CCNYL1: variants seen among roughly 807,000 people sequenced by gnomAD.
CCNYL1 encodes the protein cyclin Y like 1.
Under a neutral mutation model 44.2 loss-of-function variants are expected in CCNYL1, and 16 were observed. The observed-to-expected ratio is 0.36, with a 90% confidence interval of 0.25 to 0.55. The LOEUF (loss-of-function observed/expected upper bound fraction) is 0.55, where lower values mean the gene tolerates loss of function less well. Among genes scored for constraint, CCNYL1 ranks in the 20% least tolerant of loss-of-function variants. The probability of loss-of-function intolerance (pLI) is 0.85; values close to 1 mark genes in which losing one functional copy is unlikely to be tolerated. For synonymous variants in CCNYL1, 159 were observed against 163.2 expected (o/e 0.97, Z 0.20); for missense variants, 348 against 451.8 (o/e 0.77, Z 2.08).
At chr2:207,750,737 G>A (rs926379870) in intron 8 of CCNYL1, 3 of 451,326 alleles carry the variant, frequency 6.6e-6, no homozygotes, top group South Asian at 4.3e-5. Flanking sequence ...ATCGGAGGCC[G>A]TAACCTTCAA....
rs554914169 is a variant in CCNYL1 at position 207,735,842 on chromosome 2, C to T, written c.432-1569C>T. Among the ~76,000 whole-genome samples, 24 of 151,644 alleles carry T rather than the reference C, an allele frequency of 1.6e-4. 1 individual carries two copies. Among genetic ancestry groups the T allele is most frequent in the Admixed American group, 3.9e-4 (6 of 15,216 alleles). ...TTGTGCCATTTTACTCCAGCCTGGG[C>T]GACAGAGCAAGACTCTGTCTCAAAA... On this transcript the variant is annotated intron_variant, in intron 4 of 9. Transcript: ENST00000295414.
At chr2:207,722,310 T>A (rs2091646509) in intron 1 of CCNYL1, among the ~76,000 whole-genome samples, 2 of 152,008 alleles carry the variant, frequency 1.3e-5, no homozygotes, top group Admixed American at 6.6e-5. Context: ...CCTGACCTCA[T>A]GATCTGCCAG....
chr2:207,753,659 C>T lies in CCNYL1; in HGVS notation c.1041C>T (p.Asn347=), dbSNP rs2091911176. ...AAMRRSFSAD[N]FIGIQRSKAI... ...TGAGAAGGTCTTTCAGTGCTGATAA[C>T]TTCATTGGTATTCAGCGCTCTAAAG... Residue 347 remains asparagine, a synonymous_variant, in exon 10 of 10, where the codon AAC becomes AAT. Coordinates refer to ENST00000295414, the MANE Select transcript of CCNYL1 (RefSeq NM_001330218.2). 2 of 1,613,334 alleles carry T rather than the reference C, an allele frequency of 1.2e-6. No homozygotes were observed. The highest frequency in any genetic ancestry group is 1.7e-6 in the Non-Finnish European group (2 of 1,179,452).
chr2:207,740,754 G>A (rs767984196), intron 6 of CCNYL1, 48 bp downstream of exon 6: 2 of 1,157,254 alleles, frequency 1.7e-6, no homozygotes, highest in South Asian at 2.6e-5. Flanking sequence ...ATAGAGTTGT[G>A]TTTATTTCAT....
intron 1 of CCNYL1, among the ~76,000 whole-genome samples, chr2:207,713,071 C>T (rs966924422): frequency 6.6e-6 from 1 of 152,208 alleles, no homozygotes; most frequent in East Asian, 1.9e-4. Flanking sequence ...GCCTCGGCCT[C>T]CCAAAGTGCT....
intron 1 of CCNYL1, among the ~76,000 whole-genome samples, chr2:207,723,553 C>T (rs570487253): frequency 1.3e-5 from 2 of 152,078 alleles, no homozygotes; most frequent in South Asian, 4.2e-4. Flanking sequence ...CAGTTTCTTA[C>T]AAGATTGGTT....
At chr2:207,723,232 A>C (rs776893017) in intron 1 of CCNYL1, among the ~76,000 whole-genome samples, 1 of 152,230 alleles carries the variant, frequency 6.6e-6, no homozygotes, top group East Asian at 1.9e-4. Context: ...TGGCAGTACT[A>C]TTAAAATGGA....
At chr2:207,725,732 A>G (rs1489728551) in intron 2 of CCNYL1, among the ~76,000 whole-genome samples, 1 of 152,246 alleles carries the variant, frequency 6.6e-6, no homozygotes, top group Admixed American at 6.5e-5. Flanking sequence ...TAGCCTCAGC[A>G]AGTGAAACTT....
chr2:207,722,361 C>T lies in CCNYL1; in HGVS notation c.221-2439C>T, dbSNP rs374844307. Among the ~76,000 whole-genome samples the T allele has an allele frequency of 1.4e-4, 21 of 152,162 alleles. No homozygotes were observed. The South Asian group carries it at 2.5e-3, about 18-fold the overall frequency. ...GTATTGGGATTACAGGCATGAGCCA[C>T]CATGCCCAGCCGCCTTGGATATTTC... On this transcript the variant is annotated intron_variant, in intron 1 of 9. Transcript: ENST00000295414.
intron 7 of CCNYL1, among the ~76,000 whole-genome samples, chr2:207,743,824 GT>G (rs914753336): frequency 1.7e-4 from 26 of 151,706 alleles, no homozygotes; most frequent in African/African-American, 6.3e-4. Context: ...TTTTGTTTTT[GT>G]TTTTGTTTTG....
intron 9 of CCNYL1, among the ~76,000 whole-genome samples, 190 bp downstream of exon 9, chr2:207,751,309 A>G (rs1388978963): frequency 6.6e-6 from 1 of 152,264 alleles, no homozygotes; most frequent in Non-Finnish European, 1.5e-5. Flanking sequence ...AACATTATTT[A>G]AAAATTATAC....
At chr2:207,743,150 C>T (rs1016388007) in intron 7 of CCNYL1, among the ~76,000 whole-genome samples, 4 of 152,210 alleles carry the variant, frequency 2.6e-5, no homozygotes, top group Admixed American at 2.0e-4. Context: ...ATAGAAGCCC[C>T]TCAGTGGGTA....
intron 1 of CCNYL1, among the ~76,000 whole-genome samples, chr2:207,724,524 C>T (rs2091665194): frequency 1.3e-5 from 2 of 152,134 alleles, no homozygotes; most frequent in South Asian, 2.1e-4. Flanking sequence ...GGAGGACATG[C>T]GTATGATTCA....
rs571189225 is a variant in CCNYL1, at chr2:207,755,541, T to C, written c.*1843T>C. ...AAAGTAGTTACCCGCAGAGCTGTGCTCTATATGCTTTGATTACCGCAGTTT... is the reference window on the plus strand; with the variant it reads ...AAAGTAGTTACCCGCAGAGCTGTGCCCTATATGCTTTGATTACCGCAGTTT... On this transcript the variant is annotated 3_prime_UTR_variant, in exon 10 of 10. Transcript: ENST00000295414. 26 of 152,378 alleles carry C rather than the reference T, an allele frequency of 1.7e-4. No homozygotes were observed. Among genetic ancestry groups the C allele is most frequent in the African/African-American group, 6.0e-4 (25 of 41,596 alleles). 9.4% of individuals were successfully genotyped at this position (152,378 alleles called of 1,614,324 possible). A position where few individuals can be genotyped will look rare whatever the true frequency, so the allele number is the denominator to read the frequency against.
intron 3 of CCNYL1, among the ~76,000 whole-genome samples, chr2:207,731,726 C>G (rs1316536803): frequency 2.0e-5 from 3 of 151,494 alleles, no homozygotes; most frequent in Non-Finnish European, 4.4e-5. Flanking sequence ...TATAGTGATA[C>G]TCTTGATAAC....
rs758371445 is a variant in CCNYL1 at position 207,712,109 on chromosome 2, G to A, written c.213G>A (p.Met71Ile). The part of the protein sequence containing the change: ...HHLQHISDRE[M>I]PEDLALESNP... Reference sequence around the variant, plus strand: ...TGCAGCACATCAGCGACCGCGAGATGCCCGAAGGTAAGGAGGCGGCGGATG... The same window carrying A: ...TGCAGCACATCAGCGACCGCGAGATACCCGAAGGTAAGGAGGCGGCGGATG... The change falls in exon 1 of 10, where the codon ATG becomes ATA. Residue 71 changes from methionine (M) to isoleucine (I), a missense_variant. Around this residue, in one of 3 missense-constraint regions of CCNYL1, gnomAD observed 209 missense variants for 247.7 expected, o/e 0.84. Coordinates refer to ENST00000295414, the MANE Select transcript of CCNYL1 (RefSeq NM_001330218.2). The A allele has an allele frequency of 4.3e-5, 68 of 1,599,616 alleles. No homozygotes were observed. Among genetic ancestry groups the A allele is most frequent in the Non-Finnish European group, 5.4e-5 (63 of 1,174,180 alleles).
chr2:207,750,094 A>G (rs1359501859), intron 8 of CCNYL1, among the ~76,000 whole-genome samples: 1 of 152,070 alleles, frequency 6.6e-6, no homozygotes, highest in African/African-American at 2.4e-5. Flanking sequence ...GCTCACTCCT[A>G]CATTCTGTTC....
At position 207,722,997 on chromosome 2, in the gene CCNYL1, G is replaced by A. The variant is rs576664679; in HGVS notation, c.221-1803G>A. Among the ~76,000 whole-genome samples, 14 of 151,440 alleles carry A rather than the reference G, an allele frequency of 9.2e-5. No homozygotes were observed. The South Asian group carries it at 1.5e-3, about 16-fold the overall frequency. On this transcript the variant is annotated intron_variant, in intron 1 of 9. Transcript: ENST00000295414. The stretch of plus-strand genomic sequence containing the variant: ...AAAGGAGCTTTAGGTAGAGGCAGCT[G>A]TGAAAGTCTCTGCCTGTCATTTTGT...
rs2091921489 is a variant in CCNYL1 at position 207,755,079 on chromosome 2, T to A, written c.*1381T>A. 1.3e-5 allele frequency: 2 copies of A among 151,694 alleles called. No individual in the cohort carries two copies. 9.4% of individuals were successfully genotyped at this position (151,694 alleles called of 1,614,324 possible). On this transcript the variant is annotated 3_prime_UTR_variant, in exon 10 of 10. Coordinates refer to ENST00000295414, the MANE Select transcript of CCNYL1 (RefSeq NM_001330218.2). Reference sequence around the variant, plus strand: ...CCCCATCTCTTAGAAAAATGCAAAATTAAATGCAAAAGAAATGGGCTGGGC... The same window carrying A: ...CCCCATCTCTTAGAAAAATGCAAAAATAAATGCAAAAGAAATGGGCTGGGC...
Sources: gnomAD v4.1 joint callset for allele counts (sites outside exome capture counted in the v4.1 genomes callset) on GRCh38, gnomAD v4.1.1 for gene constraint, gnomAD v4.1.1 regional missense constraint, MANE v1.5 for transcripts, NCBI Gene and HGNC (gene_info 2026-07-23, HGNC 2026-07-21) for gene names.